The following EXOSC8 variants were observed in gnomAD, a reference collection of about 807,000 sequenced individuals.
The protein encoded by EXOSC8 is exosome component 8, also known as exosome complex component RRP43.
Under a neutral mutation model 39.9 loss-of-function variants are expected in EXOSC8, and 37 were observed. The observed-to-expected ratio is 0.93, with a 90% confidence interval of 0.71 to 1.22. The LOEUF is 1.22. EXOSC8 is among the 50% of genes most tolerant of loss of function. EXOSC8 has a pLI of 0.00. For missense variants in EXOSC8, 313 were observed against 326.6 expected (o/e 0.96, Z 0.32); for synonymous variants, 93 against 109.5 (o/e 0.85, Z 0.94).
At position 37,002,570 on chromosome 13, in the gene EXOSC8, C is replaced by G. The variant is rs368725606; in HGVS notation, c.118+19C>G. On this transcript the variant is annotated intron_variant, in intron 3 of 10. Coordinates refer to ENST00000389704, the MANE Select transcript of EXOSC8 (RefSeq NM_181503.3). The stretch of plus-strand genomic sequence containing the variant: ...AACATCGGTAAGGATGTATTTTCCA[C>G]TTTCAACTGTATGATATTCCCAAGT... The G allele has an allele frequency of 9.2e-6, 14 of 1,525,264 alleles. No homozygotes were observed. In the African/African-American group the frequency reaches 1.9e-4, roughly 21 times the overall value. 94.5% of individuals were successfully genotyped at this position (1,525,264 alleles called of 1,614,324 possible).
At chr13:37,007,416 T>C (rs1326539051) in intron 8 of EXOSC8, among the ~76,000 whole-genome samples, 1 of 152,186 alleles carries the variant, frequency 6.6e-6, no homozygotes, top group African/African-American at 2.4e-5. Flanking sequence ...AGAAGTAGAA[T>C]GGATTCTGTT....
chr13:37,002,200 A>T (rs2059110818), intron 1 of EXOSC8, 73 bp from the exon 2 acceptor site: 1 of 1,153,308 alleles, frequency 8.7e-7, no homozygotes, highest in Admixed American at 1.8e-5. Context: ...CACACTTAAG[A>T]TCTTTGCCAA....
chr13:37,008,056 G>C lies in EXOSC8; in HGVS notation c.488-1G>C. The C allele has an allele frequency of 1.3e-6, 2 of 1,587,034 alleles. No individual in the cohort carries two copies. The highest frequency in any genetic ancestry group is 2.3e-5 in the South Asian group (2 of 87,854). ...TACTTTACAAATTTGCCTTTTCTTA[G>C]TACAGTTGCCTGAAGTTACTATAAA... On this transcript the variant is annotated splice_acceptor_variant, in intron 8 of 10. Coordinates refer to ENST00000389704, the MANE Select transcript of EXOSC8 (RefSeq NM_181503.3). LOFTEE classifies it high-confidence loss of function.
rs570284201 is a variant in EXOSC8 at position 37,002,974 on chromosome 13, G to T, written c.159G>T (p.Leu53Phe). ...STADGSALVK[L>F]GNTTVICGVK... ...CAGATGGTTCTGCTTTAGTGAAGTT[G>T]GGAAATACTACAGTAATCTGTGGAG... is the stretch of plus-strand genomic sequence containing the variant. The change falls in exon 4 of 11, where the codon TTG (leucine) becomes TTT (phenylalanine). Residue 53 changes from leucine to phenylalanine, a missense_variant. Physicochemically the swap from Leu to Phe is conservative, Grantham distance 22. Coordinates refer to ENST00000389704, the MANE Select transcript of EXOSC8 (RefSeq NM_181503.3). 2 of 1,609,358 alleles carry T rather than the reference G, an allele frequency of 1.2e-6. No individual in the cohort carries two copies. The highest frequency in any genetic ancestry group is 1.7e-5 in the Admixed American group (1 of 59,984).
chr13:37,000,911 G>A, intron 1 of EXOSC8, 89 bp downstream of exon 1: 1 of 1,404,130 alleles, frequency 7.1e-7, no homozygotes, highest in East Asian at 2.8e-5. Context: ...TCACCTGGAG[G>A]CCGACCCCGT....
rs566342827 is a variant in EXOSC8, at chr13:37,002,276, C to G, written c.21C>G (p.Thr7=). MAAGFK[T]VEPLEYYRRF... ...ATATTTTTAACACGTGTTTCAGAAC[C>G]GTGGAACCTCTGGAGTATTACAGGA... Residue 7 remains threonine, a synonymous_variant, in exon 2 of 11, where the codon ACC becomes ACG. Transcript: ENST00000389704. The G allele has an allele frequency of 2.5e-6, 4 of 1,606,612 alleles. No homozygotes were observed. The highest frequency in any genetic ancestry group is 3.4e-6 in the Non-Finnish European group (4 of 1,174,026).
At chr13:37,002,875 G>A (rs893903906) in intron 3 of EXOSC8, 59 bp from the exon 4 acceptor site, 15 of 1,112,576 alleles carry the variant, frequency 1.3e-5, no homozygotes, top group Non-Finnish European at 2.1e-5. Flanking sequence ...TAATTATTAT[G>A]TGGATAATTT....
intron 8 of EXOSC8, 28 bp from the exon 9 acceptor site, chr13:37,008,029 C>A: frequency 1.3e-6 from 2 of 1,503,678 alleles, no homozygotes; most frequent in Non-Finnish European, 1.8e-6. Flanking sequence ...TAGAGACTTA[C>A]TTACTTTACA....
At position 37,002,271 on chromosome 13, in the gene EXOSC8, A is replaced by T; in HGVS notation, c.18-2A>T. On this transcript the variant is annotated splice_acceptor_variant, in intron 1 of 10. Transcript: ENST00000389704. LOFTEE classifies it high-confidence loss of function. The stretch of plus-strand genomic sequence containing the variant: ...CAGATATATTTTTAACACGTGTTTC[A>T]GAACCGTGGAACCTCTGGAGTATTA... 6.2e-7 allele frequency: 1 copy of T among 1,605,546 alleles called. No homozygotes were observed. Among genetic ancestry groups the T allele is most frequent in the Non-Finnish European group, 8.5e-7 (1 of 1,172,906 alleles).
rs758385926 is a variant in EXOSC8 at position 37,008,187 on chromosome 13, T to C, written c.608+10T>C. ...TTGCTGTGTTTGATGAGTAAGTTAA[T>C]CAAACTTACTTTAAAATTTTCTATA... On this transcript the variant is annotated intron_variant, in intron 9 of 10. Transcript: ENST00000389704. The C allele has an allele frequency of 8.8e-6, 14 of 1,585,866 alleles. No individual in the cohort carries two copies. The South Asian group carries it at 9.2e-5, about 10-fold the overall frequency.
intron 7 of EXOSC8, 46 bp downstream of exon 7, chr13:37,006,206 ATT>A: frequency 6.5e-6 from 8 of 1,235,760 alleles, no homozygotes; most frequent in East Asian, 2.7e-5. Context: ...TTCTGAAGGG[ATT>A]TTTTTTTTGT....
chr13:37,006,049 T>C (rs1274991908), intron 6 of EXOSC8, 24 bp downstream of exon 6: 2 of 1,585,536 alleles, frequency 1.3e-6, no homozygotes, highest in Non-Finnish European at 8.7e-7. Context: ...GATAAAATTT[T>C]ATTACAATTC....
chr13:37,008,940 T>G, intron 10 of EXOSC8, 105 bp downstream of exon 10: 1 of 793,910 alleles, frequency 1.3e-6, no homozygotes, highest in East Asian at 2.7e-5. Flanking sequence ...ATTTACCTAA[T>G]TTTAGTATAG....
In EXOSC8 at chr13:37,000,848, A is replaced by C. The variant is rs117529664; in HGVS notation, c.17+26A>C. On this transcript the variant is annotated intron_variant, in intron 1 of 10. Transcript: ENST00000389704. ...GTGAGTGTTGGCGGGTGGCGGGTAG[A>C]GTTCTGTACCCTGGCGGACGGCAGC... 7.9e-6 allele frequency: 12 copies of C among 1,520,846 alleles called. No individual in the cohort carries two copies. The Admixed American group carries it at 2.5e-4, about 32-fold the overall frequency. 94.2% of individuals were successfully genotyped at this position (1,520,846 alleles called of 1,614,324 possible). A position where few individuals can be genotyped will look rare whatever the true frequency, so the allele number is the denominator to read the frequency against.
intron 7 of EXOSC8, among the ~76,000 whole-genome samples, chr13:37,006,652 AG>A: frequency 6.6e-6 from 1 of 152,150 alleles, no homozygotes; most frequent in Non-Finnish European, 1.5e-5. Context: ...AATTTTAGCT[AG>A]GGCTTTCAAA....
At chr13:37,004,588 A>T in intron 5 of EXOSC8, 27 bp downstream of exon 5, 1 of 1,455,012 alleles carries the variant, frequency 6.9e-7, no homozygotes. Flanking sequence ...TGTAATTTTA[A>T]TACAAATACT....
chr13:37,000,865 G>A, intron 1 of EXOSC8, 43 bp downstream of exon 1: 1 of 1,473,844 alleles, frequency 6.8e-7, no homozygotes. Flanking sequence ...TACCCTGGCG[G>A]ACGGCAGCTT....
chr13:37,004,544 C>T lies in EXOSC8; in HGVS notation c.221C>T (p.Pro74Leu), dbSNP rs2059126118. The change falls in exon 5 of 11, where the codon CCT becomes CTT. Residue 74 changes from proline to leucine, a missense_variant. Physicochemically the swap from Pro to Leu is moderately conservative, Grantham distance 98. Transcript: ENST00000389704. Reference protein sequence around the residue: ...AEFAAPSTDAPDKGYVVPNVD... With the variant: ...AEFAAPSTDALDKGYVVPNVD... ...TTTGCAGCACCATCAACAGATGCCC[C>T]TGATAAAGGATACGTTGGTAAGTTA... 6.2e-7 allele frequency: 1 copy of T among 1,606,328 alleles called. No individual in the cohort carries two copies. The highest frequency in any genetic ancestry group is 8.5e-7 in the Non-Finnish European group (1 of 1,173,784).
At chr13:37,007,806 T>C (rs2059155616) in intron 8 of EXOSC8, among the ~76,000 whole-genome samples, 1 of 152,116 alleles carries the variant, frequency 6.6e-6, no homozygotes, top group South Asian at 2.1e-4. Context: ...CTGGCAGATA[T>C]AAATTTAAAA....
Sources: gnomAD v4.1 joint callset for allele counts (sites outside exome capture counted in the v4.1 genomes callset) on GRCh38, gnomAD v4.1.1 for gene constraint, MANE v1.5 for transcripts, NCBI Gene and HGNC (gene_info 2026-07-23, HGNC 2026-07-21) for gene names.